The following IL19 variants were observed in gnomAD, a reference collection of about 807,000 sequenced individuals.
IL19 encodes the protein interleukin-19.
A neutral mutation model predicts 19.5 loss-of-function variants in IL19; 15 were observed. The ratio of observed to expected loss-of-function variants is 0.77; its 90% confidence interval spans 0.52 to 1.19. IL19 has a LOEUF of 1.19. Among genes scored for constraint, IL19 ranks in the 50% most tolerant of loss-of-function variants. IL19 has a pLI of 0.00. For missense variants in IL19, 199 were observed against 213.1 expected (o/e 0.93, Z 0.41); for synonymous variants, 78 against 78.3 (o/e 1.00, Z 0.02).
At chr1:206,781,742 C>T (rs541961266) in intron 1 of IL19, among the ~76,000 whole-genome samples, 1 of 151,348 alleles carries the variant, frequency 6.6e-6, no homozygotes, top group East Asian at 1.9e-4. Context: ...CAGCCTTGCC[C>T]CCGGTTCCCT....
Position 206,772,154 on chromosome 1 carries a change from G to T in IL19, c.-149+1076G>T, listed in dbSNP as rs982789142. On this transcript the variant is annotated intron_variant, in intron 1 of 6. Coordinates refer to ENST00000659997, the MANE Select transcript of IL19 (RefSeq NM_153758.5). ...TTCTCTTAAGAATTTAAGTTTGGGG[G>T]AATAGGTGTTGGGGATGGAGGTGGA... 2.3e-6 allele frequency: 2 copies of T among 881,572 alleles called. 1 individual carries two copies. The highest frequency in any genetic ancestry group is 2.8e-5 in the South Asian group (2 of 71,690). 54.6% of individuals were successfully genotyped at this position (881,572 alleles called of 1,614,324 possible). A position where few individuals can be genotyped will look rare whatever the true frequency, so the allele number is the denominator to read the frequency against.
At chr1:206,809,567 C>T (rs1178565398) in intron 2 of IL19, among the ~76,000 whole-genome samples, 2 of 152,182 alleles carry the variant, frequency 1.3e-5, no homozygotes, top group Admixed American at 1.3e-4. Context: ...AAGTACCATA[C>T]CAACCTCTGG....
chr1:206,822,868 T>C (rs141749362), intron 2 of IL19, among the ~76,000 whole-genome samples: 174 of 152,236 alleles, frequency 1.1e-3, no homozygotes, highest in African/African-American at 4.0e-3. Context: ...GCTCAGGTGG[T>C]TGCAGCCTTG....
At chr1:206,790,309 C>G (rs1477819288) in intron 1 of IL19, among the ~76,000 whole-genome samples, 2 of 152,072 alleles carry the variant, frequency 1.3e-5, no homozygotes, top group Admixed American at 6.6e-5. Flanking sequence ...AGGGCACGGT[C>G]CTCTCATTGT....
At chr1:206,802,363 G>T (rs1298236164) in intron 2 of IL19, among the ~76,000 whole-genome samples, 4 of 152,096 alleles carry the variant, frequency 2.6e-5, no homozygotes, top group African/African-American at 9.7e-5. Context: ...CATAATATCT[G>T]GGTGGTTTTT....
Position 206,770,900 on chromosome 1 carries a change from T to C in IL19, c.-327T>C. 6.2e-6 allele frequency: 10 copies of C among 1,613,986 alleles called. No individual in the cohort carries two copies. Among genetic ancestry groups the C allele is most frequent in the Non-Finnish European group, 8.5e-6 (10 of 1,179,874 alleles). On this transcript the variant is annotated 5_prime_UTR_variant, in exon 1 of 7. Transcript: ENST00000659997. The stretch of plus-strand genomic sequence containing the variant: ...GCTGCAAGGGAAAAAACTGATCTGC[T>C]ACTTACACAGCGCCGTAGCCTCAGC...
chr1:206,800,003 CA>C lies in IL19; in HGVS notation c.-3+1004del, dbSNP rs1212821993. 4.3e-4 allele frequency among the ~76,000 whole-genome samples: 66 copies of C among 152,104 alleles called. 1 individual carries two copies. In the South Asian group the frequency reaches 9.1e-3, roughly 21 times the overall value. On this transcript the variant is annotated intron_variant, in intron 2 of 6. Transcript: ENST00000659997. ...ATCTCCATATATTTCACAGCTTGCACAAAAAAAGATATATTTAATAATTATC... is the reference window on the plus strand; with the variant it reads ...ATCTCCATATATTTCACAGCTTGCACAAAAAAGATATATTTAATAATTATC...
intron 5 of IL19, chr1:206,840,276 C>G (rs1263723570): frequency 6.7e-6 from 4 of 592,678 alleles, no homozygotes; most frequent in Non-Finnish European, 1.3e-5. Context: ...AGAGGCATGG[C>G]AAGGACTCCA....
chr1:206,817,103 T>C (rs1036656390), intron 2 of IL19, among the ~76,000 whole-genome samples: 28 of 152,210 alleles, frequency 1.8e-4, no homozygotes, highest in Non-Finnish European at 2.5e-4. Flanking sequence ...TGAAATCAGT[T>C]GGAACCAAGA....
Position 206,798,952 on chromosome 1 carries a change from G to A in IL19, c.-57G>A. On this transcript the variant is annotated 5_prime_UTR_variant, in exon 2 of 7. The change creates a new upstream start codon in the 5' untranslated region. Coordinates refer to ENST00000659997, the MANE Select transcript of IL19 (RefSeq NM_153758.5). Reference sequence around the variant, plus strand: ...TGCGTGTTCCTTACCACTCACACATGTGCACACACATATCCATGTGTGTGT... The same window carrying A: ...TGCGTGTTCCTTACCACTCACACATATGCACACACATATCCATGTGTGTGT... 1 of 1,614,036 alleles carries A rather than the reference G, an allele frequency of 6.2e-7. No homozygotes were observed. Among genetic ancestry groups the A allele is most frequent in the South Asian group, 1.1e-5 (1 of 91,064 alleles).
At chr1:206,817,102 T>C (rs1471441214) in intron 2 of IL19, among the ~76,000 whole-genome samples, 3 of 152,196 alleles carry the variant, frequency 2.0e-5, no homozygotes, top group African/African-American at 7.2e-5. Context: ...CTGAAATCAG[T>C]TGGAACCAAG....
intron 1 of IL19, among the ~76,000 whole-genome samples, chr1:206,797,945 G>A (rs1675565640): frequency 6.6e-6 from 1 of 152,168 alleles, no homozygotes; most frequent in Admixed American, 6.5e-5. Flanking sequence ...AGAAGAAGTG[G>A]ATTTCAGAGC....
At chr1:206,803,553 C>A (rs1230371690) in intron 2 of IL19, among the ~76,000 whole-genome samples, 1 of 152,054 alleles carries the variant, frequency 6.6e-6, no homozygotes, top group Non-Finnish European at 1.5e-5. Flanking sequence ...TACTGTGCTG[C>A]GATAAAGAGG....
chr1:206,771,500 A>G (rs78550221), intron 1 of IL19: 1 of 842,356 alleles, frequency 1.2e-6, no homozygotes, highest in African/African-American at 1.8e-5. Flanking sequence ...TCATTTAGAG[A>G]TTTTTTTTTT....
At chr1:206,783,928 C>A (rs1379880754) in intron 1 of IL19, among the ~76,000 whole-genome samples, 1 of 152,188 alleles carries the variant, frequency 6.6e-6, no homozygotes, top group African/African-American at 2.4e-5. Flanking sequence ...TGGATGAATA[C>A]TTGACATACA....
intron 2 of IL19, among the ~76,000 whole-genome samples, chr1:206,824,839 T>C (rs1452461316): frequency 6.6e-6 from 1 of 152,222 alleles, no homozygotes; most frequent in Non-Finnish European, 1.5e-5. Flanking sequence ...CTCGGCTCAC[T>C]GCAACCTCTG....
chr1:206,775,505 T>A (rs914231605), intron 1 of IL19, among the ~76,000 whole-genome samples: 14 of 152,200 alleles, frequency 9.2e-5, no homozygotes, highest in African/African-American at 3.4e-4. Context: ...CATGGGCAAG[T>A]TCCCTGGTGC....
chr1:206,837,950 G>A (rs1676857353), intron 4 of IL19, among the ~76,000 whole-genome samples: 1 of 152,226 alleles, frequency 6.6e-6, no homozygotes, highest in African/African-American at 2.4e-5. Flanking sequence ...GTGATTGGGA[G>A]CTCCCAGTGC....
intron 1 of IL19, chr1:206,772,617 T>C: frequency 1.6e-6 from 1 of 614,518 alleles, no homozygotes; most frequent in Non-Finnish European, 2.9e-6. Context: ...CCTCCTTCTC[T>C]AACCTCTCTA....
Sources: gnomAD v4.1 joint callset for allele counts (sites outside exome capture counted in the v4.1 genomes callset) on GRCh38, gnomAD v4.1.1 for gene constraint, MANE v1.5 for transcripts, NCBI Gene and HGNC (gene_info 2026-07-23, HGNC 2026-07-21) for gene names.